The following LHX3 variants were observed in gnomAD, a reference collection of about 807,000 sequenced individuals.
LHX3 encodes LIM homeobox 3, also known as LIM/homeobox protein Lhx3.
In LHX3, 21 loss-of-function variants were observed where a neutral mutation model predicts 32.4. The observed-to-expected ratio is 0.65, with a 90% CI of 0.46 to 0.93. LHX3 has a LOEUF of 0.93. Among genes scored for constraint, LHX3 ranks in the 40% least tolerant of loss-of-function variants. The pLI, the probability that LHX3 is intolerant of heterozygous loss-of-function variation, is 0.00. For synonymous variants in LHX3, 258 were observed against 246.8 expected (o/e 1.05, Z -0.43); for missense variants, 626 against 560.0 (o/e 1.12, Z -1.19).
chr9:136,200,840 T>TCCCCC, intron 1 of LHX3, 87 bp from the exon 2 acceptor site: 1 of 1,475,884 alleles, frequency 6.8e-7, no homozygotes, highest in South Asian at 1.2e-5. Context: ...CAGTCTCCCC[T>TCCCCC]CCGGCCCACA....
chr9:136,201,791 C>CACCCGG, intron 1 of LHX3: 1 of 800,694 alleles, frequency 1.2e-6, no homozygotes, highest in African/African-American at 1.9e-5. Flanking sequence ...GGCAAAACCG[C>CACCCGG]AGCTCCGGGT....
rs1831506134 is a variant in LHX3 at position 136,197,007 on chromosome 9, C to A, written c.*318G>T. On this transcript the variant is annotated 3_prime_UTR_variant, in exon 6 of 6. Transcript: ENST00000371748. Reference sequence around the variant, plus strand: ...TCGGGCTATGCTGGGCTGGGCTGGGCCTCAGCAAGGTGACATTTCATGTCT... The same window carrying A: ...TCGGGCTATGCTGGGCTGGGCTGGGACTCAGCAAGGTGACATTTCATGTCT... The A allele has an allele frequency of 2.1e-6, 1 of 481,926 alleles. No homozygotes were observed. Among genetic ancestry groups the A allele is most frequent in the African/African-American group, 2.0e-5 (1 of 51,236 alleles). 29.9% of individuals were successfully genotyped at this position (481,926 alleles called of 1,614,324 possible). A position where few individuals can be genotyped will look rare whatever the true frequency, so the allele number is the denominator to read the frequency against.
At chr9:136,201,374 G>C in intron 1 of LHX3, 1 of 1,240,018 alleles carries the variant, frequency 8.1e-7, no homozygotes, top group East Asian at 3.1e-5. Flanking sequence ...TGTCAGGCGT[G>C]GGTGCCCCCA....
intron 1 of LHX3, chr9:136,201,379 C>G (rs1162835526): frequency 8.1e-7 from 1 of 1,237,558 alleles, no homozygotes; most frequent in Non-Finnish European, 1.0e-6. Context: ...GGCGTGGGTG[C>G]CCCCAACACC....
intron 1 of LHX3, chr9:136,201,281 G>A: frequency 7.9e-7 from 1 of 1,270,124 alleles, no homozygotes; most frequent in Non-Finnish European, 9.9e-7. Context: ...AGGCCTCCGG[G>A]GTAAATATCA....
At chr9:136,198,441 C>T (rs779564084) in intron 5 of LHX3, among the ~76,000 whole-genome samples, 1 of 152,242 alleles carries the variant, frequency 6.6e-6, no homozygotes, top group Non-Finnish European at 1.5e-5. Flanking sequence ...GGATTGTGTC[C>T]CCACCAGGGG....
intron 5 of LHX3, 29 bp from the exon 6 acceptor site, chr9:136,197,772 G>C: frequency 6.3e-7 from 1 of 1,596,836 alleles, no homozygotes; most frequent in South Asian, 1.1e-5. Flanking sequence ...CTCAGTCAGC[G>C]CCTGCCCTCC....
chr9:136,198,779 C>T lies in LHX3; in HGVS notation c.648G>A (p.Lys216=). ...QNRRAKEKRL[K]KDAGRQRWGQ... ...CCCAGCGCTGCCGGCCGGCGTCCTT[C>T]TTCAGCCTCTTCTCCTTGGCCCGGC... The change falls in exon 5 of 6, where the codon AAG becomes AAA. Residue 216 remains lysine (K), a synonymous_variant. Transcript: ENST00000371748. The T allele has an allele frequency of 6.2e-6, 10 of 1,610,838 alleles. No homozygotes were observed. The highest frequency in any genetic ancestry group is 8.5e-6 in the Non-Finnish European group (10 of 1,179,706).
Position 136,200,637 on chromosome 9 carries a change from C to A in LHX3, c.196G>T (p.Ala66Ser). ...TCCCCTCGGCTGAAGCAGCGCTCGG[C>A]CAGTGGCGTGTGGCAGTCGCTGCAC... ...LKCSDCHTPL[A>S]ERCFSRGESV... Residue 66 changes from alanine to serine, a missense_variant, in exon 2 of 6, where the codon GCC (alanine) becomes TCC (serine). By Grantham distance (99) the Ala-to-Ser change is moderately conservative. Coordinates refer to ENST00000371748, the MANE Select transcript of LHX3 (RefSeq NM_178138.6). 6.2e-7 allele frequency: 1 copy of A among 1,613,642 alleles called. No individual in the cohort carries two copies.
chr9:136,199,835 G>T lies in LHX3; in HGVS notation c.297C>A (p.Pro99=). The T allele has an allele frequency of 6.2e-7, 1 of 1,609,040 alleles. No individual in the cohort carries two copies. Among genetic ancestry groups the T allele is most frequent in the Non-Finnish European group, 8.5e-7 (1 of 1,178,026 alleles). Residue 99 remains proline, a synonymous_variant, in exon 3 of 6, where the codon CCC becomes CCA. Coordinates refer to ENST00000371748, the MANE Select transcript of LHX3 (RefSeq NM_178138.6). Reference sequence around the variant, plus strand: ...CCTGGGCGCGGCGCACCACCTGCGTGGGCGGGATGCCCAGCTGGCACGCGG... The same window carrying T: ...CCTGGGCGCGGCGCACCACCTGCGTTGGCGGGATGCCCAGCTGGCACGCGG... ...KCAACQLGIP[P]TQVVRRAQDF...
rs1378689256 is a variant in LHX3 at position 136,204,931 on chromosome 9, T to C, written c.79+3A>G. 6.3e-7 allele frequency: 1 copy of C among 1,596,254 alleles called. No homozygotes were observed. Among genetic ancestry groups the C allele is most frequent in the Non-Finnish European group, 8.5e-7 (1 of 1,172,764 alleles). The stretch of plus-strand genomic sequence containing the variant: ...CTGTCCTCAGTGTCCTGCTGGGGCT[T>C]ACCCCGAGTCCCGCCCAAGGTGCAG... On this transcript the variant is annotated splice_donor_region_variant and intron_variant, in intron 1 of 5. Transcript: ENST00000371748.
In LHX3 at chr9:136,205,018, C is replaced by T; in HGVS notation, c.-6G>A. 6.3e-7 allele frequency: 1 copy of T among 1,575,618 alleles called. No individual in the cohort carries two copies. Among genetic ancestry groups the T allele is most frequent in the Non-Finnish European group, 8.6e-7 (1 of 1,166,348 alleles). On this transcript the variant is annotated 5_prime_UTR_variant, in exon 1 of 6. Coordinates refer to ENST00000371748, the MANE Select transcript of LHX3 (RefSeq NM_178138.6). ...AGCCCCGTTTCCAGCAGCATCGCGGCCACCAGGCCGAGTGGCGCGAGACGC... is the reference window on the plus strand; with the variant it reads ...AGCCCCGTTTCCAGCAGCATCGCGGTCACCAGGCCGAGTGGCGCGAGACGC...
chr9:136,198,719 G>C lies in LHX3; in HGVS notation c.708C>G (p.Gly236=). The stretch of plus-strand genomic sequence containing the variant: ...CGCTGTCCTTGTCCGACTTGGAGCC[G>C]CCGCGGGAGCGCTTCATGTTGCGGA... ...QYFRNMKRSR[G]GSKSDKDSVQ... is the part of the protein sequence containing the mutation. The change falls in exon 5 of 6, where the codon GGC becomes GGG. Residue 236 remains glycine, a synonymous_variant. Transcript: ENST00000371748. The C allele has an allele frequency of 6.2e-7, 1 of 1,611,306 alleles. No individual in the cohort carries two copies. Among genetic ancestry groups the C allele is most frequent in the Non-Finnish European group, 8.5e-7 (1 of 1,179,770 alleles).
At position 136,199,759 on chromosome 9, in the gene LHX3, G is replaced by C; in HGVS notation, c.373C>G (p.Leu125Val). 6.2e-7 allele frequency: 1 copy of C among 1,612,656 alleles called. No homozygotes were observed. Among genetic ancestry groups the C allele is most frequent in the South Asian group, 1.1e-5 (1 of 91,078 alleles). Reference sequence around the variant, plus strand: ...AGGTAGAACTCGTCGCCCGTGGCCAGCTGCCGCTTGCACACGACGCAGGCA... The same window carrying C: ...AGGTAGAACTCGTCGCCCGTGGCCACCTGCCGCTTGCACACGACGCAGGCA... ...CFACVVCKRQLATGDEFYLME... is the reference protein window; with the variant it reads ...CFACVVCKRQVATGDEFYLME... The change falls in exon 3 of 6, where the codon CTG (leucine) becomes GTG (valine). Residue 125 changes from leucine to valine, a missense_variant. By Grantham distance (32) the Leu-to-Val change is conservative. Coordinates refer to ENST00000371748, the MANE Select transcript of LHX3 (RefSeq NM_178138.6).
chr9:136,200,004 G>T, intron 2 of LHX3, 124 bp from the exon 3 acceptor site: 4 of 1,059,044 alleles, frequency 3.8e-6, no homozygotes, highest in Non-Finnish European at 5.6e-6. Context: ...GTCCGGCCCT[G>T]CAGGGTGGTC....
chr9:136,204,796 T>A, intron 1 of LHX3, 138 bp downstream of exon 1: 1 of 728,052 alleles, frequency 1.4e-6, no homozygotes. Context: ...AAACTCACTC[T>A]CTGCAGTTTC....
intron 5 of LHX3, 74 bp downstream of exon 5, chr9:136,198,578 G>T: frequency 6.8e-7 from 1 of 1,476,336 alleles, no homozygotes; most frequent in Non-Finnish European, 9.2e-7. Context: ...TCAGATCCGC[G>T]GGCTCCCTGG....
chr9:136,198,762 T>G lies in LHX3; in HGVS notation c.665A>C (p.Gln222Pro). The G allele has an allele frequency of 6.2e-7, 1 of 1,611,290 alleles. No individual in the cohort carries two copies. Among genetic ancestry groups the G allele is most frequent in the African/African-American group, 1.3e-5 (1 of 75,002 alleles). ...GTTGCGGAAATACTGCCCCCAGCGC[T>G]GCCGGCCGGCGTCCTTCTTCAGCCT... ...EKRLKKDAGRQRWGQYFRNMK... is the reference protein window; with the variant it reads ...EKRLKKDAGRPRWGQYFRNMK... Residue 222 changes from glutamine to proline, a missense_variant, in exon 5 of 6, where the codon CAG becomes CCG. Coordinates refer to ENST00000371748, the MANE Select transcript of LHX3 (RefSeq NM_178138.6).
In LHX3 at chr9:136,197,014, A is replaced by C; in HGVS notation, c.*311T>G. 4.0e-6 allele frequency: 2 copies of C among 494,476 alleles called. No homozygotes were observed. The highest frequency in any genetic ancestry group is 7.3e-6 in the Non-Finnish European group (2 of 273,488). The allele number at this position is 494,476 out of a possible 1,614,324, so 30.6% of individuals were successfully genotyped here. A position where few individuals can be genotyped will look rare whatever the true frequency, so the allele number is the denominator to read the frequency against. ...ATGCTGGGCTGGGCTGGGCCTCAGC[A>C]AGGTGACATTTCATGTCTAGAAATA... is the stretch of plus-strand genomic sequence containing the variant. On this transcript the variant is annotated 3_prime_UTR_variant, in exon 6 of 6. Coordinates refer to ENST00000371748, the MANE Select transcript of LHX3 (RefSeq NM_178138.6).
Sources: gnomAD v4.1 joint callset for allele counts (sites outside exome capture counted in the v4.1 genomes callset) on GRCh38, gnomAD v4.1.1 for gene constraint, MANE v1.5 for transcripts, NCBI Gene and HGNC (gene_info 2026-07-23, HGNC 2026-07-21) for gene names.